The following TBC1D9 variants were observed in gnomAD, a reference collection of about 807,000 sequenced individuals.
The protein encoded by TBC1D9 is TBC1 domain family member 9A.
TBC1D9 carries 63 observed loss-of-function variants against 132.0 expected under a neutral mutation model. The observed-to-expected ratio is 0.48, with a 90% CI of 0.39 to 0.59. The LOEUF (loss-of-function observed/expected upper bound fraction) is 0.59. Ranked by LOEUF, TBC1D9 falls within the 20% of genes least tolerant of loss-of-function variation. The pLI is 0.00. For missense variants in TBC1D9, 1,261 were observed against 1,592.7 expected, an observed-to-expected ratio of 0.79 and a Z score of 3.54; for synonymous variants, 610 against 609.9, an observed-to-expected ratio of 1.00 and a Z score of 0.00.
intron 1 of TBC1D9, among the ~76,000 whole-genome samples, chr4:140,739,733 C>T (rs553944258): frequency 2.6e-5 from 4 of 152,238 alleles, no homozygotes; most frequent in South Asian, 2.1e-4. Flanking sequence ...CTGGGCACAG[C>T]GGTACATGCC....
At chr4:140,750,912 C>T (rs897710642) in intron 1 of TBC1D9, among the ~76,000 whole-genome samples, 1 of 152,032 alleles carries the variant, frequency 6.6e-6, no homozygotes, top group Non-Finnish European at 1.5e-5. Context: ...ATTCGGTTTG[C>T]TCCTTGACTT....
chr4:140,657,412 A>T (rs1737290334), intron 12 of TBC1D9, 115 bp downstream of exon 12: 1 of 1,349,714 alleles, frequency 7.4e-7, no homozygotes, highest in Non-Finnish European at 1.0e-6. Context: ...ATCCTCAGCC[A>T]CAGGAAGAAG....
intron 1 of TBC1D9, among the ~76,000 whole-genome samples, chr4:140,726,002 T>C (rs1738496220): frequency 6.6e-6 from 1 of 152,176 alleles, no homozygotes. Flanking sequence ...GCACAGTGGC[T>C]CATGCCTATA....
intron 1 of TBC1D9, among the ~76,000 whole-genome samples, chr4:140,718,902 G>A (rs1448193169): frequency 6.6e-6 from 1 of 151,906 alleles, no homozygotes; most frequent in Non-Finnish European, 1.5e-5. Context: ...AACATGGCAA[G>A]GCTGTTTTTA....
chr4:140,742,210 C>T (rs1326649676), intron 1 of TBC1D9, among the ~76,000 whole-genome samples: 1 of 152,080 alleles, frequency 6.6e-6, no homozygotes, highest in African/African-American at 2.4e-5. Context: ...TTGAAATCAA[C>T]TAGAAGCCAG....
intron 13 of TBC1D9, chr4:140,643,363 A>G: frequency 1.5e-6 from 2 of 1,304,486 alleles, no homozygotes; most frequent in Non-Finnish European, 2.2e-6. Flanking sequence ...GCACCTGGGG[A>G]GGGCAGAGGC....
At chr4:140,700,122 C>T (rs1488608965) in intron 2 of TBC1D9, among the ~76,000 whole-genome samples, 2 of 151,484 alleles carry the variant, frequency 1.3e-5, no homozygotes. Flanking sequence ...CACAGAGAGA[C>T]ACCATCTCTA....
intron 2 of TBC1D9, among the ~76,000 whole-genome samples, chr4:140,689,896 G>A (rs1002924903): frequency 6.7e-6 from 1 of 149,838 alleles, no homozygotes; most frequent in African/African-American, 2.5e-5. Context: ...TTACTGGTGT[G>A]TCTCACTACA....
chr4:140,746,602 T>A (rs555607669), intron 1 of TBC1D9, among the ~76,000 whole-genome samples: 1 of 152,144 alleles, frequency 6.6e-6, no homozygotes, highest in Non-Finnish European at 1.5e-5. Flanking sequence ...GGAGGCCTCA[T>A]AATCATGGTG....
chr4:140,681,562 G>A (rs1257730098), intron 3 of TBC1D9, among the ~76,000 whole-genome samples: 1 of 152,094 alleles, frequency 6.6e-6, no homozygotes, highest in East Asian at 1.9e-4. Context: ...ACAGCCCCAA[G>A]ACAAGTCTTT....
chr4:140,644,273 G>A (rs1013633540), intron 13 of TBC1D9: 23 of 303,016 alleles, frequency 7.6e-5, no homozygotes, highest in Non-Finnish European at 1.4e-4. Flanking sequence ...CCACGTTGTC[G>A]GGGGTCTCTT....
chr4:140,694,427 C>T (rs1737920280), intron 2 of TBC1D9, among the ~76,000 whole-genome samples: 1 of 151,834 alleles, frequency 6.6e-6, no homozygotes, highest in Non-Finnish European at 1.5e-5. Context: ...AAAAATTAGC[C>T]AGGAGTGGTG....
chr4:140,733,743 G>A (rs1190518396), intron 1 of TBC1D9, among the ~76,000 whole-genome samples: 5 of 151,998 alleles, frequency 3.3e-5, no homozygotes, highest in Admixed American at 1.3e-4. Context: ...CTGCCTATGC[G>A]TTCTGTTTAA....
chr4:140,680,975 T>C (rs554483930), intron 3 of TBC1D9, among the ~76,000 whole-genome samples: 12 of 152,318 alleles, frequency 7.9e-5, no homozygotes, highest in Non-Finnish European at 1.6e-4. Flanking sequence ...GTTTTAATGT[T>C]TTAATTTTTA....
At chr4:140,725,731 C>A (rs376332853) in intron 1 of TBC1D9, among the ~76,000 whole-genome samples, 1 of 151,596 alleles carries the variant, frequency 6.6e-6, no homozygotes, top group Non-Finnish European at 1.5e-5. Flanking sequence ...GGGTTGGGCA[C>A]GGCAATTGTT....
intron 15 of TBC1D9, 131 bp from the exon 16 acceptor site, chr4:140,634,319 A>T: frequency 2.3e-6 from 3 of 1,306,678 alleles, no homozygotes; most frequent in South Asian, 2.9e-5. Flanking sequence ...CTGTGGCCTC[A>T]GGGCCCCCTT....
At chr4:140,674,751 T>G (rs1372089583) in intron 6 of TBC1D9, among the ~76,000 whole-genome samples, 1 of 151,862 alleles carries the variant, frequency 6.6e-6, no homozygotes. Context: ...CAAGCTGGAG[T>G]GCAGTGGTTC....
At chr4:140,625,786 T>C (rs1033118441) in intron 18 of TBC1D9, among the ~76,000 whole-genome samples, 3 of 152,206 alleles carry the variant, frequency 2.0e-5, no homozygotes, top group African/African-American at 7.2e-5. Flanking sequence ...GATACAAAAC[T>C]GTATAGGTAG....
At chr4:140,712,191 T>G (rs1208265221) in intron 1 of TBC1D9, 1 of 148,380 alleles carries the variant, frequency 6.7e-6, no homozygotes, top group Admixed American at 7.3e-5. Context: ...ACACACTTCC[T>G]TGGAGAGGGA....
Sources: allele counts gnomAD v4.1 joint callset (sites outside exome capture counted in the v4.1 genomes callset), GRCh38; gene constraint gnomAD v4.1.1; transcripts MANE v1.5; gene names NCBI Gene and HGNC (gene_info 2026-07-23, HGNC 2026-07-21).